FSIP1: variants seen among roughly 807,000 people sequenced by gnomAD.
FSIP1 encodes fibrous sheath-interacting protein 1.
FSIP1 carries 65 observed loss-of-function variants against 60.9 expected under a neutral mutation model. The observed-to-expected ratio is 1.07, with a 90% confidence interval of 0.87 to 1.31. The LOEUF (loss-of-function observed/expected upper bound fraction) is 1.31, where lower values mean the gene tolerates loss of function less well. Ranked by LOEUF, FSIP1 falls within the 40% of genes most tolerant of loss-of-function variation. The pLI, the probability that FSIP1 is intolerant of heterozygous loss-of-function variation, is 0.00. For synonymous variants in FSIP1, 209 were observed against 221.2 expected (o/e 0.94, Z 0.49); for missense variants, 675 against 665.5 (o/e 1.01, Z -0.16).
intron 10 of FSIP1, among the ~76,000 whole-genome samples, chr15:39,686,212 T>C (rs1894368270): frequency 1.3e-5 from 2 of 152,232 alleles, no homozygotes; most frequent in Non-Finnish European, 1.5e-5. Flanking sequence ...GACGTGATTA[T>C]GTGACCACTA....
At chr15:39,770,211 A>T (rs923616053) in intron 3 of FSIP1, among the ~76,000 whole-genome samples, 2 of 152,196 alleles carry the variant, frequency 1.3e-5, no homozygotes, top group Admixed American at 6.5e-5. Flanking sequence ...ATTAAATGAC[A>T]TATTTTGTTA....
chr15:39,675,917 G>A (rs9672572), intron 10 of FSIP1, among the ~76,000 whole-genome samples: 119,268 of 151,862 alleles, frequency 0.79, 47,759 homozygotes, highest in Non-Finnish European at 0.87. Flanking sequence ...ATATCCTAGC[G>A]CTTTGGAAGG....
intron 10 of FSIP1, among the ~76,000 whole-genome samples, chr15:39,691,874 GTAGA>G (rs370080204): frequency 1.3e-4 from 19 of 151,984 alleles, no homozygotes; most frequent in South Asian, 4.2e-4. Context: ...CTGTGAGGGG[GTAGA>G]TAGATAGATA....
At chr15:39,689,447 T>C (rs1894511328) in intron 10 of FSIP1, among the ~76,000 whole-genome samples, 1 of 152,168 alleles carries the variant, frequency 6.6e-6, no homozygotes. Context: ...CATGCTCTGG[T>C]CTTTCCAGTG....
At chr15:39,706,135 T>C (rs1261133247) in intron 10 of FSIP1, among the ~76,000 whole-genome samples, 3 of 152,220 alleles carry the variant, frequency 2.0e-5, no homozygotes, top group Non-Finnish European at 1.5e-5. Context: ...TTTGAGAACA[T>C]TTATTTCCTG....
At chr15:39,721,480 T>C (rs7172155) in intron 9 of FSIP1, among the ~76,000 whole-genome samples, 18,979 of 152,272 alleles carry the variant, frequency 0.12, 1,418 homozygotes, top group African/African-American at 0.2. Flanking sequence ...ATTGCACAGT[T>C]ACTCCACAAC....
rs115405508 is a variant in FSIP1 at position 39,782,325 on chromosome 15, C to A, written c.-8+303G>T. ...GCCTATTTGCATCCTTTGCCGTTTA[C>A]GGTCTAGTTTAAATGGCTGGTGATC... On this transcript the variant is annotated intron_variant, in intron 1 of 11. Coordinates refer to ENST00000350221, the MANE Select transcript of FSIP1 (RefSeq NM_152597.5). Among the ~76,000 whole-genome samples, 791 of 152,170 alleles carry A rather than the reference C, an allele frequency of 5.2e-3. 7 individuals carry two copies. Among genetic ancestry groups the A allele is most frequent in the African/African-American group, 0.018 (746 of 41,504 alleles).
chr15:39,599,683 C>T (rs1295177170), downstream of FSIP1, among the ~76,000 whole-genome samples: 2 of 152,162 alleles, frequency 1.3e-5, no homozygotes, highest in Non-Finnish European at 1.5e-5. Flanking sequence ...CCCATATCAC[C>T]TTTGCCCTCT....
intron 10 of FSIP1, among the ~76,000 whole-genome samples, chr15:39,687,434 G>A (rs977937869): frequency 4.6e-5 from 7 of 152,112 alleles, no homozygotes; most frequent in Non-Finnish European, 7.4e-5. Context: ...GATTACAGGC[G>A]TGAGCCACCG....
chr15:39,653,850 T>C (rs904292496), intron 10 of FSIP1, among the ~76,000 whole-genome samples: 3 of 152,210 alleles, frequency 2.0e-5, no homozygotes, highest in Non-Finnish European at 2.9e-5. Context: ...TAAACCTCTT[T>C]CTTTTGTAAA....
chr15:39,749,795 T>C (rs1897112047), intron 5 of FSIP1, among the ~76,000 whole-genome samples: 1 of 151,950 alleles, frequency 6.6e-6, no homozygotes, highest in African/African-American at 2.4e-5. Context: ...AACACAGTAC[T>C]GGAAGGACCA....
At chr15:39,624,142 A>G (rs1364188478) in intron 10 of FSIP1, among the ~76,000 whole-genome samples, 1 of 152,240 alleles carries the variant, frequency 6.6e-6, no homozygotes, top group Non-Finnish European at 1.5e-5. Context: ...CAACCATCCA[A>G]GCCCAAGGTT....
At chr15:39,755,001 C>T (rs1340401999) in intron 5 of FSIP1, among the ~76,000 whole-genome samples, 3 of 151,796 alleles carry the variant, frequency 2.0e-5, no homozygotes, top group Non-Finnish European at 4.4e-5. Flanking sequence ...GTGGACTATT[C>T]TTTCAAGAAG....
At chr15:39,661,392 G>A (rs1893290064) in intron 10 of FSIP1, among the ~76,000 whole-genome samples, 1 of 152,176 alleles carries the variant, frequency 6.6e-6, no homozygotes, top group Non-Finnish European at 1.5e-5. Flanking sequence ...GCCTAGCTTA[G>A]CTAATGTAAA....
chr15:39,726,618 A>G lies in FSIP1; in HGVS notation c.1021T>C (p.Ser341Pro). The G allele has an allele frequency of 6.2e-7, 1 of 1,614,094 alleles. No individual in the cohort carries two copies. The highest frequency in any genetic ancestry group is 8.5e-7 in the Non-Finnish European group (1 of 1,180,014). ...TTATTCCGATTTTCAAGTCTTGGAG[A>G]AAAACTGGAAATTGTAGGGGAGGCT... ...SAASPTISSFSPRLENRNNQK... is the reference protein window; with the variant it reads ...SAASPTISSFPPRLENRNNQK... Residue 341 changes from serine (S) to proline (P), a missense_variant, in exon 9 of 12, where the codon TCT becomes CCT. By Grantham distance (74) the Ser-to-Pro change is moderately conservative (BLOSUM62 -1). Transcript: ENST00000350221.
At chr15:39,635,714 G>A (rs1309331416) in intron 10 of FSIP1, among the ~76,000 whole-genome samples, 1 of 152,140 alleles carries the variant, frequency 6.6e-6, no homozygotes, top group Non-Finnish European at 1.5e-5. Flanking sequence ...ATTATCAGTA[G>A]CCATTCCCAA....
At chr15:39,626,221 G>A (rs1050794014) in intron 10 of FSIP1, among the ~76,000 whole-genome samples, 1 of 152,192 alleles carries the variant, frequency 6.6e-6, no homozygotes, top group Non-Finnish European at 1.5e-5. Flanking sequence ...TACTTTGCTT[G>A]ATATCATCTA....
At chr15:39,626,060 G>C (rs958396490) in intron 10 of FSIP1, among the ~76,000 whole-genome samples, 1 of 152,176 alleles carries the variant, frequency 6.6e-6, no homozygotes, top group Admixed American at 6.6e-5. Context: ...GAGGCCATTA[G>C]CTATTTAAAT....
At chr15:39,617,217 G>A (rs1381185175) in intron 11 of FSIP1, among the ~76,000 whole-genome samples, 1 of 152,078 alleles carries the variant, frequency 6.6e-6, no homozygotes, top group Non-Finnish European at 1.5e-5. Context: ...TCGAAAACTA[G>A]TTATTGTTGT....
Sources: allele counts gnomAD v4.1 joint callset (sites outside exome capture counted in the v4.1 genomes callset), GRCh38; gene constraint gnomAD v4.1.1; transcripts MANE v1.5; gene names NCBI Gene and HGNC (gene_info 2026-07-23, HGNC 2026-07-21).